Variants in TMEM64 observed in about 807,000 individuals in gnomAD.
TMEM64 encodes transmembrane protein 64.
In TMEM64, 19 loss-of-function variants were observed where a neutral mutation model predicts 24.5. The observed-to-expected ratio is 0.78, with a 90% confidence interval of 0.54 to 1.14. TMEM64 has a LOEUF of 1.14. Among genes scored for constraint, TMEM64 ranks in the 50% most tolerant of loss-of-function variants. The probability of loss-of-function intolerance (pLI) is 0.00; values close to 1 mark genes in which losing one functional copy is unlikely to be tolerated. For synonymous variants in TMEM64, 262 were observed against 224.7 expected, an observed-to-expected ratio of 1.17 and a Z score of -1.49; for missense variants, 487 against 493.0, an observed-to-expected ratio of 0.99 and a Z score of 0.12.
rs532388850 is a variant in TMEM64, at chr8:90,629,036, G to A, written c.951+2516C>T. 1.6e-4 allele frequency among the ~76,000 whole-genome samples: 25 copies of A among 152,204 alleles called. 2 individuals carry two copies. The Middle Eastern group carries it at 0.01, about 62-fold the overall frequency. ...AAACTCAGAGGCAAATTTGTGGCTC[G>A]TTTCTAGAAAATAAGAGGAATCTCA... On this transcript the variant is annotated intron_variant, in intron 2 of 2. Coordinates refer to ENST00000458549, the MANE Select transcript of TMEM64 (RefSeq NM_001008495.4).
At chr8:90,626,073 G>C (rs1214355455) in intron 2 of TMEM64, among the ~76,000 whole-genome samples, 1 of 152,152 alleles carries the variant, frequency 6.6e-6, no homozygotes, top group Non-Finnish European at 1.5e-5. Flanking sequence ...AAAGTCTACA[G>C]GTAACCATGA....
intron 1 of TMEM64, among the ~76,000 whole-genome samples, chr8:90,632,880 T>C (rs529383425): frequency 6.6e-6 from 1 of 152,344 alleles, no homozygotes; most frequent in South Asian, 2.1e-4. Context: ...ATACTACCAT[T>C]GTGTGGATGT....
At chr8:90,634,567 C>A (rs1809486909) in intron 1 of TMEM64, among the ~76,000 whole-genome samples, 1 of 152,190 alleles carries the variant, frequency 6.6e-6, no homozygotes, top group Non-Finnish European at 1.5e-5. Context: ...GCAAATTAAT[C>A]TGGATAGACC....
At chr8:90,634,466 C>T (rs1294161896) in intron 1 of TMEM64, among the ~76,000 whole-genome samples, 1 of 152,078 alleles carries the variant, frequency 6.6e-6, no homozygotes, top group Non-Finnish European at 1.5e-5. Context: ...TTAAAAATGG[C>T]CATAACTGTT....
intron 2 of TMEM64, among the ~76,000 whole-genome samples, chr8:90,629,305 C>T (rs754839323): frequency 1.3e-5 from 2 of 152,146 alleles, no homozygotes; most frequent in Non-Finnish European, 2.9e-5. Context: ...TGAGAAATCA[C>T]TGAATAAAAG....
chr8:90,636,421 A>G (rs58890587), intron 1 of TMEM64, among the ~76,000 whole-genome samples: 2,914 of 152,100 alleles, frequency 0.019, 75 homozygotes, highest in African/African-American at 0.067. Flanking sequence ...ACACCTGGCT[A>G]ATTTTTGTAT....
At chr8:90,628,511 G>A (rs796532979) in intron 2 of TMEM64, among the ~76,000 whole-genome samples, 5 of 152,170 alleles carry the variant, frequency 3.3e-5, no homozygotes, top group Admixed American at 3.3e-4. Context: ...GGGCAGTGTC[G>A]AGAAACTAGG....
Position 90,645,525 on chromosome 8 carries a change from G to T in TMEM64, c.381C>A (p.Cys127Ter). ...AAGCGAAGCACAGGGCGGCCAACAC[G>T]CAGACCAGCACGAGGCTCCGGCACC... The part of the protein sequence containing the change: ...TCWCRSLVLV[C>*]VLAALCFASL... The change falls in exon 1 of 3, where the codon TGC (cysteine) becomes TGA (stop). Residue 127 changes from cysteine to a stop codon, truncating the protein, a stop_gained. Transcript: ENST00000458549. LOFTEE classifies it high-confidence loss of function. The surrounding 1 kb of genome is among the most constrained non-coding windows in gnomAD (Gnocchi z 4.2). 6.5e-7 allele frequency: 1 copy of T among 1,549,496 alleles called. No homozygotes were observed. The highest frequency in any genetic ancestry group is 8.7e-7 in the Non-Finnish European group (1 of 1,146,952).
In TMEM64 at chr8:90,645,576, G is replaced by A. The variant is rs1809684045; in HGVS notation, c.330C>T (p.Arg110=). ...AACAGGTGCTGCCGAGGCAGCAGCAGCGCCAGTTTCTCACCTCAGCCACGC... is the reference window on the plus strand; with the variant it reads ...AACAGGTGCTGCCGAGGCAGCAGCAACGCCAGTTTCTCACCTCAGCCACGC... ...VVGVAEVRNW[R]CCCLGSTCWC... The change falls in exon 1 of 3, where the codon CGC becomes CGT. Residue 110 remains arginine, a synonymous_variant. Coordinates refer to ENST00000458549, the MANE Select transcript of TMEM64 (RefSeq NM_001008495.4). The surrounding 1 kb of genome is among the most constrained non-coding windows in gnomAD (Gnocchi z 4.2). 1.9e-6 allele frequency: 3 copies of A among 1,543,320 alleles called. No individual in the cohort carries two copies. Among genetic ancestry groups the A allele is most frequent in the Non-Finnish European group, 2.6e-6 (3 of 1,146,506 alleles).
At chr8:90,636,600 T>C (rs1051619463) in intron 1 of TMEM64, among the ~76,000 whole-genome samples, 1 of 152,144 alleles carries the variant, frequency 6.6e-6, no homozygotes, top group Non-Finnish European at 1.5e-5. Context: ...ACTCAGAATC[T>C]CCATCTAGCT....
rs895124093 is a variant in TMEM64 at position 90,645,051 on chromosome 8, C to T, written c.795+60G>A. On this transcript the variant is annotated intron_variant, in intron 1 of 2. Transcript: ENST00000458549. This position sits in a 1 kb window ranked among gnomAD's most constrained non-coding sequence, Gnocchi z 4.2. Reference sequence around the variant, plus strand: ...ATCTGATAGAGCGCCCTCCTAGGGCCGCCACAAGACCGCTCAAAAACAGAC... The same window carrying T: ...ATCTGATAGAGCGCCCTCCTAGGGCTGCCACAAGACCGCTCAAAAACAGAC... The T allele has an allele frequency of 8.5e-6, 13 of 1,526,282 alleles. No homozygotes were observed. The highest frequency in any genetic ancestry group is 9.7e-6 in the Non-Finnish European group (11 of 1,129,156). The allele number at this position is 1,526,282 out of a possible 1,614,324, so 94.5% of individuals were successfully genotyped here.
chr8:90,626,625 C>CTTTTTT (rs1223612676), intron 2 of TMEM64, among the ~76,000 whole-genome samples: 5 of 112,536 alleles, frequency 4.4e-5, no homozygotes, highest in African/African-American at 2.2e-4. Flanking sequence ...CTTTTTTTTT[C>CTTTTTT]TTTCTTTTTT....
chr8:90,631,665 C>T lies in TMEM64; in HGVS notation c.838G>A (p.Val280Ile), dbSNP rs534780564. 2.5e-6 allele frequency: 4 copies of T among 1,613,642 alleles called. No individual in the cohort carries two copies. In the South Asian group the frequency reaches 3.3e-5, roughly 13 times the overall value. The change falls in exon 2 of 3, where the codon GTT becomes ATT. Residue 280 changes from valine (V) to isoleucine (I), a missense_variant. Physicochemically the swap from Val to Ile is conservative, Grantham distance 29. Transcript: ENST00000458549. Reference sequence around the variant, plus strand: ...AGAAGCTGGGTAGGAAGCAGTCCAACCGAAGATGCCATCAGATAGTTGGGT... The same window carrying T: ...AGAAGCTGGGTAGGAAGCAGTCCAATCGAAGATGCCATCAGATAGTTGGGT... ...SLPNYLMASSVGLLPTQLLNS... is the reference protein window; with the variant it reads ...SLPNYLMASSIGLLPTQLLNS...
Position 90,625,676 on chromosome 8 carries a change from C to A in TMEM64, c.1138G>T (p.Val380Leu). The A allele has an allele frequency of 1.2e-6, 2 of 1,612,954 alleles. No homozygotes were observed. Among genetic ancestry groups the A allele is most frequent in the Non-Finnish European group, 1.7e-6 (2 of 1,179,224 alleles). Residue 380 changes from valine to leucine, a missense_variant, in exon 3 of 3, where the codon GTA becomes TTA. Transcript: ENST00000458549. Reference sequence around the variant, plus strand: ...AATCACGTATCTCATTAGAATCATACAACATTGATTCCACCTCCAGAAAAT... The same window carrying A: ...AATCACGTATCTCATTAGAATCATAAAACATTGATTCCACCTCCAGAAAAT... The part of the protein sequence containing the change: ...LTFSGGGINV[V>L]
chr8:90,644,807 G>C (rs113058650), intron 1 of TMEM64, among the ~76,000 whole-genome samples: 2 of 152,200 alleles, frequency 1.3e-5, no homozygotes, highest in African/African-American at 4.8e-5. Flanking sequence ...AAGTATTAAA[G>C]ATGGGCATTT....
At chr8:90,632,865 C>G (rs7840321) in intron 1 of TMEM64, among the ~76,000 whole-genome samples, 2,923 of 152,260 alleles carry the variant, frequency 0.019, 77 homozygotes, top group African/African-American at 0.067. Context: ...CATTATTATG[C>G]AATTATACTA....
chr8:90,641,464 G>A (rs2130510097), intron 1 of TMEM64, among the ~76,000 whole-genome samples: 1 of 152,252 alleles, frequency 6.6e-6, no homozygotes, highest in South Asian at 2.1e-4. Flanking sequence ...TAACATCTGG[G>A]ATGATACCTA....
intron 1 of TMEM64, among the ~76,000 whole-genome samples, chr8:90,635,101 A>G (rs1809496379): frequency 6.6e-6 from 1 of 152,188 alleles, no homozygotes; most frequent in Non-Finnish European, 1.5e-5. Context: ...CCTACCACTG[A>G]TGGATTTACA....
At chr8:90,626,769 T>C (rs1048578880) in intron 2 of TMEM64, among the ~76,000 whole-genome samples, 1 of 151,976 alleles carries the variant, frequency 6.6e-6, no homozygotes, top group Non-Finnish European at 1.5e-5. Context: ...TAGCTGGGAT[T>C]ACATGCATGC....
Sources: allele counts gnomAD v4.1 joint callset (sites outside exome capture counted in the v4.1 genomes callset), GRCh38; gene constraint gnomAD v4.1.1; non-coding constraint Gnocchi (gnomAD v3.1); transcripts MANE v1.5; gene names NCBI Gene and HGNC (gene_info 2026-07-23, HGNC 2026-07-21).